Variants in KCNK2 observed in about 807,000 individuals in gnomAD.
KCNK2 encodes the protein potassium channel subfamily K member 2.
A neutral mutation model predicts 40.5 loss-of-function variants in KCNK2; 21 were observed. The ratio of observed to expected loss-of-function variants is 0.52; its 90% CI spans 0.37 to 0.75. The LOEUF (loss-of-function observed/expected upper bound fraction) is 0.75, where lower values mean the gene tolerates loss of function less well. Among genes scored for constraint, KCNK2 ranks in the 30% least tolerant of loss-of-function variants. The pLI is 0.00. For missense variants in KCNK2, 399 were observed against 531.6 expected (o/e 0.75, Z 2.45); for synonymous variants, 191 against 202.2 (o/e 0.94, Z 0.47).
intron 1 of KCNK2, among the ~76,000 whole-genome samples, chr1:215,062,182 G>A (rs1658382846): frequency 1.3e-5 from 2 of 152,036 alleles, no homozygotes; most frequent in Admixed American, 1.3e-4. Flanking sequence ...TGTTCAAAAG[G>A]CCGAAAATTG....
At position 215,114,994 on chromosome 1, in the gene KCNK2, GGTGTGTGTGTGTGT is replaced by G. The variant is rs59948899; in HGVS notation, c.358-9618_358-9605del. ...ATTGTGTTAACTGGTTACTTTGTCA[GGTGTGTGTGTGTGT>G]GTGTGTGTGTGTGTGTGTGTACAAA... On this transcript the variant is annotated intron_variant, in intron 2 of 6. Transcript: ENST00000444842. Among the ~76,000 whole-genome samples, 4 of 147,232 alleles carry G rather than the reference GGTGTGTGTGTGTGT, an allele frequency of 2.7e-5. No individual in the cohort carries two copies. In the South Asian group the frequency reaches 6.4e-4, roughly 23 times the overall value.
intron 6 of KCNK2, among the ~76,000 whole-genome samples, chr1:215,214,300 C>T (rs1274986370): frequency 6.6e-6 from 1 of 152,084 alleles, no homozygotes; most frequent in African/African-American, 2.4e-5. Flanking sequence ...GAGCTACACA[C>T]TTTTAAACAA....
At chr1:215,141,059 CAGGGTTAGGATCATCAATATCA>C (rs1445042206) in intron 3 of KCNK2, among the ~76,000 whole-genome samples, 3 of 151,898 alleles carry the variant, frequency 2.0e-5, no homozygotes, top group Non-Finnish European at 2.9e-5. Context: ...TAGACCTACA[CAGGGTTAGGATCATCAATATCA>C]CTGTGTTCCA....
chr1:215,041,599 A>G (rs1377175), intron 1 of KCNK2, among the ~76,000 whole-genome samples: 48,797 of 152,124 alleles, frequency 0.32, 8,224 homozygotes, highest in South Asian at 0.66. Flanking sequence ...GATATTAGCT[A>G]GCTGAAAATG....
At chr1:215,070,620 C>T (rs567947550) in intron 1 of KCNK2, among the ~76,000 whole-genome samples, 3 of 152,072 alleles carry the variant, frequency 2.0e-5, no homozygotes, top group Admixed American at 1.3e-4. Context: ...TTCACTATCA[C>T]GAGAACAGCA....
chr1:215,228,197 G>A (rs541920632), intron 6 of KCNK2, among the ~76,000 whole-genome samples: 1 of 152,168 alleles, frequency 6.6e-6, no homozygotes, highest in South Asian at 2.1e-4. Flanking sequence ...AACAAAGGTA[G>A]TTAAGGAGGA....
rs574639078 is a variant in KCNK2, at chr1:215,182,112, C to G, written c.823+9929C>G. 2.6e-5 allele frequency among the ~76,000 whole-genome samples: 4 copies of G among 152,250 alleles called. No homozygotes were observed. In the East Asian group the frequency reaches 7.7e-4, roughly 29 times the overall value. On this transcript the variant is annotated intron_variant, in intron 5 of 6. Transcript: ENST00000444842. The stretch of plus-strand genomic sequence containing the variant: ...TACCTGGGCATGCAGCAGAGAGTGC[C>G]CCCCTGCACCAAGATCTCTTCAAAG...
At chr1:215,220,321 C>T (rs1400035433) in intron 6 of KCNK2, among the ~76,000 whole-genome samples, 1 of 152,154 alleles carries the variant, frequency 6.6e-6, no homozygotes, top group Non-Finnish European at 1.5e-5. Context: ...TGATCAGTCT[C>T]CTTGTGTGTA....
chr1:215,100,958 A>T (rs917379709), intron 2 of KCNK2, among the ~76,000 whole-genome samples: 1 of 152,030 alleles, frequency 6.6e-6, no homozygotes, highest in Non-Finnish European at 1.5e-5. Flanking sequence ...CTCTTTCTGA[A>T]TCCCTACTTA....
At chr1:215,055,657 T>C (rs1658132792) in intron 1 of KCNK2, among the ~76,000 whole-genome samples, 1 of 152,246 alleles carries the variant, frequency 6.6e-6, no homozygotes, top group African/African-American at 2.4e-5. Context: ...CTTTCTTCTT[T>C]CCATGCTTTC....
chr1:215,029,325 T>G lies in KCNK2; in HGVS notation c.34+23370T>G, dbSNP rs73088249. Among the ~76,000 whole-genome samples the G allele has an allele frequency of 5.4e-3, 819 of 151,600 alleles. 9 individuals carry two copies. Among genetic ancestry groups the G allele is most frequent in the African/African-American group, 0.019 (781 of 41,388 alleles). On this transcript the variant is annotated intron_variant, in intron 1 of 6. Coordinates refer to the KCNK2 transcript ENST00000391895. ...ATGGTAACCTCTGATGTTTCTCCTA[T>G]CCCCATAGTTTTGCCTTTTCGAGAA...
intron 1 of KCNK2, among the ~76,000 whole-genome samples, chr1:215,058,171 T>C (rs1658234967): frequency 2.0e-5 from 3 of 152,252 alleles, no homozygotes; most frequent in Admixed American, 2.0e-4. Context: ...CATCTCTCTG[T>C]CCTTCTCACA....
chr1:215,037,188 T>C (rs764196115), intron 1 of KCNK2, among the ~76,000 whole-genome samples: 3 of 151,898 alleles, frequency 2.0e-5, no homozygotes, highest in Non-Finnish European at 2.9e-5. Flanking sequence ...CTTTTCGTAG[T>C]CAATTATTTA....
chr1:215,182,239 A>T (rs995175533), intron 5 of KCNK2, among the ~76,000 whole-genome samples: 2 of 152,004 alleles, frequency 1.3e-5, no homozygotes, highest in African/African-American at 2.4e-5. Flanking sequence ...CTGCACCATG[A>T]TCTATGCGCA....
chr1:215,093,590 A>G (rs1225117981), intron 2 of KCNK2, among the ~76,000 whole-genome samples: 3 of 105,236 alleles, frequency 2.9e-5, no homozygotes, highest in Non-Finnish European at 5.1e-5. Flanking sequence ...TATACTATAT[A>G]ATATATAATA....
At chr1:215,100,207 A>G (rs1309667754) in intron 2 of KCNK2, among the ~76,000 whole-genome samples, 2 of 151,988 alleles carry the variant, frequency 1.3e-5, no homozygotes, top group Non-Finnish European at 2.9e-5. Context: ...GAGTCACTAC[A>G]CCATGGGTCT....
intron 6 of KCNK2, among the ~76,000 whole-genome samples, chr1:215,210,509 G>A (rs1033373575): frequency 6.6e-6 from 1 of 152,042 alleles, no homozygotes; most frequent in Non-Finnish European, 1.5e-5. Context: ...GCAAGTTGAG[G>A]ACTGTTATGA....
chr1:215,130,432 G>A (rs1339633575), intron 3 of KCNK2, among the ~76,000 whole-genome samples: 2 of 152,182 alleles, frequency 1.3e-5, no homozygotes, highest in Admixed American at 6.5e-5. Context: ...ATGCTTTCCA[G>A]AGTTCTGTGA....
chr1:215,075,861 G>A lies in KCNK2; in HGVS notation c.35-10507G>A, dbSNP rs560449748. Among the ~76,000 whole-genome samples, 81 of 152,262 alleles carry A rather than the reference G, an allele frequency of 5.3e-4. 1 individual carries two copies. Among genetic ancestry groups the A allele is most frequent in the African/African-American group, 1.8e-3 (76 of 41,544 alleles). ...ACTAGAATCCTGCCTCTCATCCAGTGGTTCTTGAAGTGTGGTCCCTGCCCT... is the reference window on the plus strand; with the variant it reads ...ACTAGAATCCTGCCTCTCATCCAGTAGTTCTTGAAGTGTGGTCCCTGCCCT... On this transcript the variant is annotated intron_variant, in intron 1 of 6. Transcript: ENST00000391895.
Sources: gnomAD v4.1 joint callset for allele counts (sites outside exome capture counted in the v4.1 genomes callset) on GRCh38, gnomAD v4.1.1 for gene constraint, MANE v1.5 for transcripts, NCBI Gene and HGNC (gene_info 2026-07-23, HGNC 2026-07-21) for gene names.